The following EYA2 variants were observed in gnomAD, a reference collection of about 807,000 sequenced individuals.
EYA2 encodes the protein EYA transcriptional coactivator and phosphatase 2, also known as protein phosphatase EYA2.
In EYA2, 31 loss-of-function variants were observed where a neutral mutation model predicts 69.2. The ratio of observed to expected loss-of-function variants is 0.45; its 90% confidence interval spans 0.34 to 0.60. EYA2 has a LOEUF of 0.60. EYA2 is among the 20% of genes least tolerant of loss of function. EYA2 has a pLI of 0.02. For synonymous variants in EYA2, 257 were observed against 279.4 expected (o/e 0.92, Z 0.80); for missense variants, 622 against 701.2 (o/e 0.89, Z 1.28).
intron 4 of EYA2, among the ~76,000 whole-genome samples, chr20:47,005,680 G>C (rs1982661859): frequency 6.6e-6 from 1 of 152,206 alleles, no homozygotes; most frequent in Admixed American, 6.5e-5. Context: ...AGGAGGGGTG[G>C]TTTTCTTAAA....
At chr20:46,922,970 A>G (rs1212241909) in intron 1 of EYA2, among the ~76,000 whole-genome samples, 1 of 152,198 alleles carries the variant, frequency 6.6e-6, no homozygotes, top group Non-Finnish European at 1.5e-5. Context: ...ATCTAATAAG[A>G]AAAGAGCAGA....
At chr20:47,128,851 G>A (rs940251523) in intron 9 of EYA2, among the ~76,000 whole-genome samples, 7 of 152,182 alleles carry the variant, frequency 4.6e-5, no homozygotes, top group African/African-American at 7.2e-5. Context: ...GGCCAGGCAC[G>A]GTGGCTCATG....
intron 9 of EYA2, among the ~76,000 whole-genome samples, chr20:47,124,706 C>T (rs1251694750): frequency 6.6e-6 from 1 of 152,136 alleles, no homozygotes; most frequent in Non-Finnish European, 1.5e-5. Flanking sequence ...AGTCCCAAGA[C>T]CCAGGAAACC....
At chr20:47,157,080 G>A (rs1164774081) in intron 10 of EYA2, among the ~76,000 whole-genome samples, 2 of 151,964 alleles carry the variant, frequency 1.3e-5, no homozygotes, top group Non-Finnish European at 2.9e-5. Flanking sequence ...ATCGGCTGGG[G>A]ATGGTGGCTC....
intron 10 of EYA2, among the ~76,000 whole-genome samples, chr20:47,156,413 C>T (rs1014542405): frequency 1.3e-5 from 2 of 151,440 alleles, no homozygotes; most frequent in East Asian, 2.0e-4. Context: ...GTATCCCTAG[C>T]CTGACGCAGG....
At chr20:47,047,858 A>C (rs757959724) in intron 5 of EYA2, among the ~76,000 whole-genome samples, 3 of 152,052 alleles carry the variant, frequency 2.0e-5, no homozygotes, top group Non-Finnish European at 4.4e-5. Flanking sequence ...TGCAGGCTCC[A>C]TGGGAGGATT....
intron 1 of EYA2, among the ~76,000 whole-genome samples, chr20:46,970,589 TAA>T (rs923199735): frequency 2.0e-5 from 3 of 152,050 alleles, no homozygotes; most frequent in Admixed American, 6.6e-5. Flanking sequence ...TAAAATAGGG[TAA>T]AAAAACCCAA....
At chr20:47,174,911 G>C (rs1240238413) in intron 12 of EYA2, among the ~76,000 whole-genome samples, 1 of 152,198 alleles carries the variant, frequency 6.6e-6, no homozygotes, top group East Asian at 1.9e-4. Context: ...TTGATTGCAG[G>C]AGTGAAGCAG....
At chr20:47,020,252 C>T (rs575252723) in intron 5 of EYA2, among the ~76,000 whole-genome samples, 4 of 152,162 alleles carry the variant, frequency 2.6e-5, no homozygotes, top group Non-Finnish European at 5.9e-5. Flanking sequence ...CGGAAGATCA[C>T]AGAGCAAGCT....
At chr20:47,111,993 T>C (rs1348941560) in intron 9 of EYA2, among the ~76,000 whole-genome samples, 2 of 151,964 alleles carry the variant, frequency 1.3e-5, no homozygotes, top group East Asian at 1.9e-4. Context: ...TTCAAAAAAT[T>C]AGCCAGGCGT....
chr20:47,159,230 A>C (rs1302742288), intron 10 of EYA2, among the ~76,000 whole-genome samples: 1 of 152,036 alleles, frequency 6.6e-6, no homozygotes, highest in Admixed American at 6.5e-5. Flanking sequence ...GGTCAACATC[A>C]ACAGTGATTA....
intron 9 of EYA2, among the ~76,000 whole-genome samples, chr20:47,113,381 C>A (rs773928087): frequency 6.6e-6 from 1 of 152,162 alleles, no homozygotes; most frequent in Non-Finnish European, 1.5e-5. Flanking sequence ...GAGAGAGGGG[C>A]TGATCGGCTG....
At position 46,991,968 on chromosome 20, in the gene EYA2, C is replaced by CAA. The variant is rs36163121; in HGVS notation, c.109+1866_109+1867dup. ...GGGCGACAGACGTGAGACTCCGTCTCAAAAAAAAAAAAAAAAAACGCTGAA... is the reference window on the plus strand; with the variant it reads ...GGGCGACAGACGTGAGACTCCGTCTCAAAAAAAAAAAAAAAAAAAACGCTGAA... On this transcript the variant is annotated intron_variant, in intron 2 of 15. Coordinates refer to ENST00000327619, the MANE Select transcript of EYA2 (RefSeq NM_005244.5). Among the ~76,000 whole-genome samples the CAA allele has an allele frequency of 3.9e-3, 311 of 79,264 alleles. 18 individuals carry two copies. Among genetic ancestry groups the CAA allele is most frequent in the African/African-American group, 0.014 (289 of 21,178 alleles). 52.0% of individuals were successfully genotyped at this position (79,264 alleles called of 152,430 possible).
rs562998180 is a variant in EYA2 at position 46,946,374 on chromosome 20, C to T, written c.-10-43627C>T. Among the ~76,000 whole-genome samples, 14 of 152,276 alleles carry T rather than the reference C, an allele frequency of 9.2e-5. No individual in the cohort carries two copies. In the South Asian group the frequency reaches 1.0e-3, roughly 11 times the overall value. On this transcript the variant is annotated intron_variant, in intron 1 of 15. Transcript: ENST00000327619. Reference sequence around the variant, plus strand: ...TGAACTCATTTCTTGAGCATCACTGCGGTCAAAATCTCCCCAGGGTGCAGG... The same window carrying T: ...TGAACTCATTTCTTGAGCATCACTGTGGTCAAAATCTCCCCAGGGTGCAGG...
At chr20:47,009,605 C>A (rs545251708) in intron 4 of EYA2, among the ~76,000 whole-genome samples, 1 of 152,132 alleles carries the variant, frequency 6.6e-6, no homozygotes, top group Non-Finnish European at 1.5e-5. Flanking sequence ...TATCATTCCC[C>A]TGCATTTTTT....
intron 5 of EYA2, among the ~76,000 whole-genome samples, chr20:47,039,673 C>A (rs1198436283): frequency 6.6e-6 from 1 of 152,060 alleles, no homozygotes; most frequent in East Asian, 1.9e-4. Flanking sequence ...TTTTCTATTC[C>A]TGAGGCGGGG....
intron 1 of EYA2, among the ~76,000 whole-genome samples, chr20:46,989,672 G>A (rs1249310842): frequency 6.6e-6 from 1 of 152,194 alleles, no homozygotes; most frequent in Non-Finnish European, 1.5e-5. Flanking sequence ...CTCTTTCTCA[G>A]CTGGGAAGTT....
intron 8 of EYA2, among the ~76,000 whole-genome samples, chr20:47,091,632 C>A (rs2032088670): frequency 1.3e-5 from 2 of 149,420 alleles, no homozygotes; most frequent in South Asian, 4.2e-4. Flanking sequence ...GTAGTCCCAG[C>A]TACTCAGGGG....
rs771523533 is a variant in EYA2, at chr20:47,156,155, T to C, written c.979-12984T>C. 4.7e-3 allele frequency among the ~76,000 whole-genome samples: 154 copies of C among 32,618 alleles called. 4 individuals carry two copies. The highest frequency in any genetic ancestry group is 0.011 in the East Asian group (10 of 946). The allele number at this position is 32,618 out of a possible 152,430, so 21.4% of individuals were successfully genotyped here. On this transcript the variant is annotated intron_variant, in intron 10 of 15. Coordinates refer to ENST00000327619, the MANE Select transcript of EYA2 (RefSeq NM_005244.5). ...ATATATATATATATATATATATATA[T>C]ATATATATATATATATATATATATA...
Sources: allele counts gnomAD v4.1 joint callset (sites outside exome capture counted in the v4.1 genomes callset), GRCh38; gene constraint gnomAD v4.1.1; transcripts MANE v1.5; gene names NCBI Gene and HGNC (gene_info 2026-07-23, HGNC 2026-07-21).